Variants in LPAR6 observed in about 807,000 individuals in gnomAD.
LPAR6 encodes G-protein coupled purinergic receptor P2Y5.
LPAR6 carries 17 observed loss-of-function variants against 22.0 expected under a neutral mutation model. The ratio of observed to expected loss-of-function variants is 0.77; its 90% CI spans 0.53 to 1.16. LPAR6 has a LOEUF of 1.16. Ranked by LOEUF, LPAR6 falls within the 50% of genes most tolerant of loss-of-function variation. LPAR6 has a pLI of 0.00. For synonymous variants in LPAR6, 136 were observed against 139.8 expected, an observed-to-expected ratio of 0.97 and a Z score of 0.19; for missense variants, 384 against 406.9, an observed-to-expected ratio of 0.94 and a Z score of 0.48.
intron 1 of LPAR6, among the ~76,000 whole-genome samples, chr13:48,395,643 T>A (rs1200963911): frequency 6.6e-6 from 1 of 151,428 alleles, no homozygotes; most frequent in Non-Finnish European, 1.5e-5. Flanking sequence ...AGATTGAAGA[T>A]CAGCTTAATG....
At chr13:48,406,554 A>T (rs1477638164), downstream of LPAR6, 4 of 152,284 alleles carry the variant, frequency 2.6e-5, no homozygotes, top group Admixed American at 2.6e-4. Context: ...TGTCTCCCCT[A>T]CCTTGAAATT....
chr13:48,414,840 T>C (rs1593488960), upstream of LPAR6, among the ~76,000 whole-genome samples: 1 of 152,204 alleles, frequency 6.6e-6, no homozygotes, highest in African/African-American at 2.4e-5. Flanking sequence ...GTTGAATATC[T>C]TTTATATCAC....
At chr13:48,437,707 G>A (rs1949198597) in intron 1 of LPAR6, among the ~76,000 whole-genome samples, 1 of 152,174 alleles carries the variant, frequency 6.6e-6, no homozygotes, top group South Asian at 2.1e-4. Flanking sequence ...AACCCCAGTG[G>A]AAGAGATCCT....
chr13:48,432,054 A>G (rs1949135708), intron 1 of LPAR6, among the ~76,000 whole-genome samples: 1 of 152,178 alleles, frequency 6.6e-6, no homozygotes, highest in East Asian at 1.9e-4. Flanking sequence ...TCATATGGTG[A>G]TAAGTTCTCT....
intron 2 of LPAR6, among the ~76,000 whole-genome samples, chr13:48,420,659 T>C (rs1433011400): frequency 6.6e-6 from 1 of 152,166 alleles, no homozygotes; most frequent in East Asian, 1.9e-4. Context: ...GCCCAAAATC[T>C]CCTTAAGCTG....
intron 1 of LPAR6, among the ~76,000 whole-genome samples, chr13:48,440,029 G>T (rs1949221724): frequency 1.3e-5 from 2 of 152,046 alleles, no homozygotes; most frequent in Non-Finnish European, 1.5e-5. Flanking sequence ...CAGGAATAGG[G>T]TAGGAAGGAG....
At chr13:48,413,405 C>T (rs1486127147), upstream of LPAR6, among the ~76,000 whole-genome samples, 2 of 152,098 alleles carry the variant, frequency 1.3e-5, no homozygotes, top group African/African-American at 4.8e-5. Context: ...ACTATTCAGC[C>T]TGTTCTCTTA....
chr13:48,418,078 G>A (rs572125882), upstream of LPAR6, among the ~76,000 whole-genome samples: 10 of 152,016 alleles, frequency 6.6e-5, no homozygotes, highest in Non-Finnish European at 1.3e-4. Context: ...ACACATAATC[G>A]TCAGATTCAC....
chr13:48,397,277 A>T (rs953426965), intron 1 of LPAR6, among the ~76,000 whole-genome samples: 7 of 152,246 alleles, frequency 4.6e-5, no homozygotes, highest in African/African-American at 1.7e-4. Context: ...GGATAAAGAA[A>T]ATGTGGCACA....
intron 1 of LPAR6, among the ~76,000 whole-genome samples, chr13:48,402,304 A>G (rs1000631661): frequency 2.0e-5 from 3 of 151,382 alleles, no homozygotes; most frequent in African/African-American, 7.3e-5. Flanking sequence ...AAACGTTTGC[A>G]CATTTCAGTT....
chr13:48,428,837 A>C (rs974869033), upstream of LPAR6, among the ~76,000 whole-genome samples: 6 of 152,258 alleles, frequency 3.9e-5, no homozygotes, highest in Non-Finnish European at 7.3e-5. Flanking sequence ...TTCTGTGAAT[A>C]GTAAATTTAA....
intron 2 of LPAR6, among the ~76,000 whole-genome samples, chr13:48,421,050 G>A (rs1459734116): frequency 6.6e-6 from 1 of 152,034 alleles, no homozygotes; most frequent in Non-Finnish European, 1.5e-5. Context: ...AATTTCATAT[G>A]GAACCAAAAA....
Position 48,436,661 on chromosome 13 carries a change from T to A in LPAR6, c.-1474+7892A>T, listed in dbSNP as rs567734108. 3.3e-5 allele frequency among the ~76,000 whole-genome samples: 5 copies of A among 151,576 alleles called. No individual in the cohort carries two copies. In the South Asian group the frequency reaches 1.0e-3, roughly 32 times the overall value. ...TCTCTCTTAAAAAAAAAAATCATGA[T>A]AGTGGCTCAGCCAGCATATGTATTG... On this transcript the variant is annotated intron_variant, in intron 1 of 6. Transcript: ENST00000378434.
downstream of LPAR6, among the ~76,000 whole-genome samples, chr13:48,410,328 G>T (rs567208327): frequency 6.6e-6 from 1 of 152,208 alleles, no homozygotes; most frequent in South Asian, 2.1e-4. Flanking sequence ...AGTATTCTTT[G>T]CAGTAGCATG....
At position 48,437,261 on chromosome 13, in the gene LPAR6, T is replaced by A. The variant is rs192768733; in HGVS notation, c.-1474+7292A>T. Reference sequence around the variant, plus strand: ...TAATTTGAGTAGATAAGTAATAACATGAGTTGAGTACAAGAGAAAACTACT... The same window carrying A: ...TAATTTGAGTAGATAAGTAATAACAAGAGTTGAGTACAAGAGAAAACTACT... On this transcript the variant is annotated intron_variant, in intron 1 of 6. Coordinates refer to the LPAR6 transcript ENST00000378434. Among the ~76,000 whole-genome samples, 11 of 152,276 alleles carry A rather than the reference T, an allele frequency of 7.2e-5. No individual in the cohort carries two copies. The East Asian group carries it at 1.9e-3, about 27-fold the overall frequency.
At position 48,392,833 on chromosome 13, in the gene LPAR6, T is replaced by C. The variant is rs140952294; in HGVS notation, n.115-3021A>G. Among the ~76,000 whole-genome samples, 391 of 152,282 alleles carry C rather than the reference T, an allele frequency of 2.6e-3. 1 individual carries two copies. The highest frequency in any genetic ancestry group is 9.0e-3 in the African/African-American group (372 of 41,550). On this transcript the variant is annotated intron_variant and non_coding_transcript_variant, in intron 1 of 1. Transcript: ENST00000462781. ...GGTGATTTTTTTGTTAGGTGCCAGATATCATGAATTTTGCTTTAGTGGGTC... is the reference window on the plus strand; with the variant it reads ...GGTGATTTTTTTGTTAGGTGCCAGACATCATGAATTTTGCTTTAGTGGGTC...
At position 48,412,631 on chromosome 13, in the gene LPAR6, G is replaced by A. The variant is rs1390645442; in HGVS notation, c.-208C>T. Reference sequence around the variant, plus strand: ...AAAATTTCCGCTGGGTTCTTCAACAGGAAAATATTTTCATTTGTTAGTCTT... The same window carrying A: ...AAAATTTCCGCTGGGTTCTTCAACAAGAAAATATTTTCATTTGTTAGTCTT... On this transcript the variant is annotated 5_prime_UTR_variant, in exon 1 of 1. Coordinates refer to ENST00000620633, the MANE Select transcript of LPAR6 (RefSeq NM_001162498.3). 3.4e-6 allele frequency: 2 copies of A among 594,120 alleles called. No individual in the cohort carries two copies. The highest frequency in any genetic ancestry group is 1.9e-5 in the African/African-American group (1 of 53,416). The allele number at this position is 594,120 out of a possible 1,614,324, so 36.8% of individuals were successfully genotyped here.
At chr13:48,437,654 G>T (rs1368296823) in intron 1 of LPAR6, among the ~76,000 whole-genome samples, 1 of 152,152 alleles carries the variant, frequency 6.6e-6, no homozygotes, top group African/African-American at 2.4e-5. Context: ...TTTTTGCCAT[G>T]TGAGCCTCTC....
chr13:48,394,923 G>C (rs1391216479), intron 1 of LPAR6, among the ~76,000 whole-genome samples: 1 of 152,168 alleles, frequency 6.6e-6, no homozygotes, highest in Non-Finnish European at 1.5e-5. Context: ...TCCTCAAGTG[G>C]GTCCCTGACC....
Sources: gnomAD v4.1 joint callset for allele counts (sites outside exome capture counted in the v4.1 genomes callset) on GRCh38, gnomAD v4.1.1 for gene constraint, MANE v1.5 for transcripts, NCBI Gene and HGNC (gene_info 2026-07-23, HGNC 2026-07-21) for gene names.